The following KCTD20 variants were observed in gnomAD, a reference collection of about 807,000 sequenced individuals.
KCTD20 encodes potassium channel tetramerization domain containing 20, also known as BTB/POZ domain-containing protein KCTD20.
Under a neutral mutation model 39.6 loss-of-function variants are expected in KCTD20, and 30 were observed. The ratio of observed to expected loss-of-function variants is 0.76; its 90% confidence interval spans 0.57 to 1.03. The LOEUF is 1.03. Ranked by LOEUF, KCTD20 falls within the 50% of genes least tolerant of loss-of-function variation. The probability of loss-of-function intolerance (pLI) is 0.00; values close to 1 mark genes in which losing one functional copy is unlikely to be tolerated. For synonymous variants in KCTD20, 162 were observed against 180.6 expected, an observed-to-expected ratio of 0.90 and a Z score of 0.83; for missense variants, 422 against 522.0, an observed-to-expected ratio of 0.81 and a Z score of 1.87.
At chr6:36,448,015 G>GTGTGTGTATATATATATATA (rs559687288) in intron 1 of KCTD20, among the ~76,000 whole-genome samples, 38 of 128,946 alleles carry the variant, frequency 2.9e-4, no homozygotes, top group African/African-American at 1.3e-3. Context: ...ATGTGTGTGT[G>GTGTGTGTATATATATATATA]TATATATATA....
chr6:36,476,360 T>C (rs1776061599), intron 3 of KCTD20, among the ~76,000 whole-genome samples: 1 of 152,062 alleles, frequency 6.6e-6, no homozygotes, highest in Non-Finnish European at 1.5e-5. Flanking sequence ...ATTTATTGAA[T>C]TCTAGGCTAA....
chr6:36,490,874 C>G lies in KCTD20; in HGVS notation c.*3699C>G, dbSNP rs930413148. On this transcript the variant is annotated 3_prime_UTR_variant, in exon 8 of 8. Coordinates refer to ENST00000373731, the MANE Select transcript of KCTD20 (RefSeq NM_173562.5). ...AGGGTTTGTAGTAATGTATTCAGTGCCACTTCTTGCCATCACTTTGCAATT... is the reference window on the plus strand; with the variant it reads ...AGGGTTTGTAGTAATGTATTCAGTGGCACTTCTTGCCATCACTTTGCAATT... 6.6e-6 allele frequency: 1 copy of G among 152,148 alleles called. No homozygotes were observed. The highest frequency in any genetic ancestry group is 2.4e-5 in the African/African-American group (1 of 41,426). The allele number at this position is 152,148 out of a possible 1,614,324, so 9.4% of individuals were successfully genotyped here.
Position 36,479,683 on chromosome 6 carries a change from C to T in KCTD20, c.630C>T (p.Asp210=), listed in dbSNP as rs2127452719. 6.2e-7 allele frequency: 1 copy of T among 1,604,622 alleles called. No homozygotes were observed. Among genetic ancestry groups the T allele is most frequent in the East Asian group, 2.3e-5 (1 of 44,374 alleles). ...GTGATTATCTCTGCATTAATTTTGACTTCAACACTATCCGATGTCAAGATC... is the reference window on the plus strand; with the variant it reads ...GTGATTATCTCTGCATTAATTTTGATTTCAACACTATCCGATGTCAAGATC... ...DTCDYLCINF[D]FNTIRCQDLS... Residue 210 remains aspartate (D), a synonymous_variant, in exon 5 of 8, where the codon GAC becomes GAT. Coordinates refer to ENST00000373731, the MANE Select transcript of KCTD20 (RefSeq NM_173562.5).
chr6:36,478,275 T>C (rs142284794), intron 3 of KCTD20, among the ~76,000 whole-genome samples: 261 of 152,252 alleles, frequency 1.7e-3, no homozygotes, highest in Non-Finnish European at 2.8e-3. Flanking sequence ...CTTTGTGTTA[T>C]CTAACCATTC....
intron 1 of KCTD20, among the ~76,000 whole-genome samples, chr6:36,460,454 C>G (rs1775569466): frequency 6.6e-6 from 1 of 152,156 alleles, no homozygotes. Flanking sequence ...CAGGTGCCCA[C>G]CATCACACCC....
chr6:36,472,081 C>T (rs575274457), intron 2 of KCTD20, among the ~76,000 whole-genome samples: 132 of 152,298 alleles, frequency 8.7e-4, no homozygotes, highest in Non-Finnish European at 1.6e-3. Flanking sequence ...ATCTCCTGAC[C>T]TCATGATCCG....
rs147952479 is a variant in KCTD20, at chr6:36,460,746, T to A, written c.-46-9306T>A. Among the ~76,000 whole-genome samples, 819 of 152,244 alleles carry A rather than the reference T, an allele frequency of 5.4e-3. 7 individuals are homozygous for A. The highest frequency in any genetic ancestry group is 8.7e-3 in the Non-Finnish European group (593 of 68,026). ...ATTATCAGCACAGGAAGATTATATG[T>A]CCTAGCCCCCGGTCTTCAGCTTGAA... is the stretch of plus-strand genomic sequence containing the variant. On this transcript the variant is annotated intron_variant, in intron 1 of 7. Coordinates refer to ENST00000373731, the MANE Select transcript of KCTD20 (RefSeq NM_173562.5).
intron 6 of KCTD20, among the ~76,000 whole-genome samples, chr6:36,483,917 C>A (rs536435906): frequency 6.7e-6 from 1 of 150,310 alleles, no homozygotes; most frequent in South Asian, 2.1e-4. Flanking sequence ...AATTACATTT[C>A]TTATTTCATG....
intron 1 of KCTD20, among the ~76,000 whole-genome samples, chr6:36,467,796 A>G (rs1775805720): frequency 6.6e-6 from 1 of 152,178 alleles, no homozygotes; most frequent in Non-Finnish European, 1.5e-5. Context: ...GGAGAGTAAA[A>G]TTGTATTAAT....
intron 2 of KCTD20, among the ~76,000 whole-genome samples, chr6:36,473,972 T>C (rs1008804481): frequency 4.6e-5 from 7 of 152,200 alleles, no homozygotes; most frequent in African/African-American, 1.7e-4. Context: ...CTGTACATAG[T>C]GAAAATGCCT....
chr6:36,465,822 A>T (rs1337365435), intron 1 of KCTD20: 1 of 152,216 alleles, frequency 6.6e-6, no homozygotes, highest in Non-Finnish European at 1.5e-5. Flanking sequence ...CACAGAATGT[A>T]TGGAAGTGAA....
intron 1 of KCTD20, among the ~76,000 whole-genome samples, chr6:36,445,487 T>C (rs1775013772): frequency 6.6e-6 from 1 of 152,174 alleles, no homozygotes; most frequent in East Asian, 1.9e-4. Flanking sequence ...TTTCCTTCTG[T>C]AGCCCTGAGC....
intron 1 of KCTD20, among the ~76,000 whole-genome samples, chr6:36,463,520 T>C (rs1182986990): frequency 6.6e-6 from 1 of 152,216 alleles, no homozygotes; most frequent in African/African-American, 2.4e-5. Context: ...ACCAATGCTA[T>C]GGTTTGAATG....
At chr6:36,485,038 G>A (rs1476160853) in intron 7 of KCTD20, among the ~76,000 whole-genome samples, 1 of 152,138 alleles carries the variant, frequency 6.6e-6, no homozygotes, top group Admixed American at 6.5e-5. Flanking sequence ...ACAAGTTCGA[G>A]TTTACTACTT....
rs1775856991 is a variant in KCTD20, at chr6:36,469,669, T to TA, written c.-46-376dup. ...GTTGCAACAGTGTATGTGTCAATTTTAAAAAAACATAGGTTTTCTTTAGTT... is the reference window on the plus strand; with the variant it reads ...GTTGCAACAGTGTATGTGTCAATTTTAAAAAAAACATAGGTTTTCTTTAGTT... On this transcript the variant is annotated intron_variant, in intron 1 of 7. Transcript: ENST00000373731. This position sits in a 1 kb window ranked among gnomAD's most constrained non-coding sequence, Gnocchi z 4.6. 1.3e-5 allele frequency among the ~76,000 whole-genome samples: 2 copies of TA among 152,192 alleles called. No individual in the cohort carries two copies. Among genetic ancestry groups the TA allele is most frequent in the South Asian group, 4.1e-4 (2 of 4,838 alleles).
chr6:36,481,740 G>T lies in KCTD20; in HGVS notation c.837G>T (p.Met279Ile). Residue 279 changes from methionine to isoleucine, a missense_variant, in exon 6 of 8, where the codon ATG becomes ATT. Met to Ile is a conservative substitution (Grantham distance 10). Transcript: ENST00000373731. ...VDWDEDHPPP[M>I]GEEYSQILYS... Reference sequence around the variant, plus strand: ...GGGATGAAGACCACCCTCCACCAATGGGGGAGGAATATTCCCAAAGTAGGA... The same window carrying T: ...GGGATGAAGACCACCCTCCACCAATTGGGGAGGAATATTCCCAAAGTAGGA... 6.2e-7 allele frequency: 1 copy of T among 1,614,140 alleles called. No homozygotes were observed. Among genetic ancestry groups the T allele is most frequent in the East Asian group, 2.2e-5 (1 of 44,878 alleles).
chr6:36,463,379 T>G (rs996202984), intron 1 of KCTD20, among the ~76,000 whole-genome samples: 4 of 152,196 alleles, frequency 2.6e-5, no homozygotes, highest in Admixed American at 1.3e-4. Flanking sequence ...GTACAAAATA[T>G]GGTATTTTAT....
At chr6:36,448,812 A>C (rs1480775236) in intron 1 of KCTD20, among the ~76,000 whole-genome samples, 1 of 152,190 alleles carries the variant, frequency 6.6e-6, no homozygotes, top group Admixed American at 6.5e-5. Flanking sequence ...TGGTGTGTCC[A>C]GAGTTTGTTC....
chr6:36,476,733 G>A (rs1345942641), intron 3 of KCTD20, among the ~76,000 whole-genome samples: 6 of 152,082 alleles, frequency 3.9e-5, no homozygotes, highest in African/African-American at 9.6e-5. Context: ...TGGCCACAGC[G>A]AACCACTTTT....
Sources: allele counts gnomAD v4.1 joint callset (sites outside exome capture counted in the v4.1 genomes callset), GRCh38; gene constraint gnomAD v4.1.1; non-coding constraint Gnocchi (gnomAD v3.1); transcripts MANE v1.5; gene names NCBI Gene and HGNC (gene_info 2026-07-23, HGNC 2026-07-21).